PCBD2: variants seen among roughly 807,000 people sequenced by gnomAD.
PCBD2 encodes the protein pterin-4 alpha-carbinolamine dehydratase 2, also known as pterin-4-alpha-carbinolamine dehydratase 2.
PCBD2 carries 12 observed loss-of-function variants against 16.4 expected under a neutral mutation model. That is an observed-to-expected ratio of 0.73 (90% CI 0.47 to 1.19). The LOEUF is 1.19. PCBD2 is among the 50% of genes most tolerant of loss of function. The pLI is 0.00. For missense variants in PCBD2, 138 were observed against 156.8 expected (o/e 0.88, Z 0.64); for synonymous variants, 58 against 61.8 (o/e 0.94, Z 0.29).
At chr5:134,925,623 G>T (rs989582165) in intron 2 of PCBD2, 1 of 397,778 alleles carries the variant, frequency 2.5e-6, no homozygotes, top group Non-Finnish European at 4.4e-6. Flanking sequence ...TAGCGCCTAG[G>T]CATAGTGTGA....
intron 2 of PCBD2, among the ~76,000 whole-genome samples, chr5:134,937,459 G>C (rs940762741): frequency 6.6e-6 from 1 of 152,174 alleles, no homozygotes; most frequent in African/African-American, 2.4e-5. Flanking sequence ...ATTAAGAATA[G>C]GTTCTGCTGG....
rs180861252 is a variant in PCBD2, at chr5:134,919,924, G to A, written c.216+9458G>A. ...GGCCATGACACAGAACTTGCATTTA[G>A]ATGTGTCAGAATACAAATATTGGGT... On this transcript the variant is annotated intron_variant, in intron 2 of 3. Coordinates refer to ENST00000254908, the MANE Select transcript of PCBD2 (RefSeq NM_032151.5). 1.8e-3 allele frequency among the ~76,000 whole-genome samples: 268 copies of A among 152,302 alleles called. 4 individuals carry two copies. The highest frequency in any genetic ancestry group is 0.016 in the Admixed American group (248 of 15,298).
intron 2 of PCBD2, among the ~76,000 whole-genome samples, chr5:134,956,357 G>T (rs1751415168): frequency 6.6e-6 from 1 of 152,202 alleles, no homozygotes; most frequent in African/African-American, 2.4e-5. Flanking sequence ...GGCTGTGGCT[G>T]TGTTTCCTTT....
chr5:134,925,568 T>A (rs534779614), intron 2 of PCBD2: 2 of 398,096 alleles, frequency 5.0e-6, no homozygotes, highest in Non-Finnish European at 8.9e-6. Flanking sequence ...ATTTTTTTGA[T>A]GTCATTTTGT....
chr5:134,915,306 CTG>C (rs1750817936), intron 2 of PCBD2, among the ~76,000 whole-genome samples: 1 of 151,814 alleles, frequency 6.6e-6, no homozygotes, highest in African/African-American at 2.4e-5. Context: ...CAAAGCGAGA[CTG>C]TGTCTCAAAA....
At chr5:134,919,052 C>G (rs1223845398) in intron 2 of PCBD2, among the ~76,000 whole-genome samples, 1 of 152,184 alleles carries the variant, frequency 6.6e-6, no homozygotes, top group Admixed American at 6.5e-5. Context: ...ACACCATGGT[C>G]CTTACACCAC....
At chr5:134,947,104 T>C (rs1282661615) in intron 2 of PCBD2, among the ~76,000 whole-genome samples, 4 of 152,070 alleles carry the variant, frequency 2.6e-5, no homozygotes. Context: ...AATTTTTTTT[T>C]TTTTTGAGAT....
intron 2 of PCBD2, among the ~76,000 whole-genome samples, chr5:134,952,001 A>G (rs1028969760): frequency 5.9e-5 from 9 of 152,002 alleles, no homozygotes; most frequent in South Asian, 2.1e-4. Context: ...AGATTTATCT[A>G]TTTCTTAGTA....
intron 1 of PCBD2, among the ~76,000 whole-genome samples, chr5:134,907,540 C>G (rs1361101643): frequency 1.3e-5 from 2 of 151,594 alleles, no homozygotes; most frequent in Non-Finnish European, 2.9e-5. Context: ...CACGCCTGGC[C>G]AAGAATTTTA....
At chr5:134,911,060 A>G (rs1561906196) in intron 2 of PCBD2, among the ~76,000 whole-genome samples, 1 of 152,178 alleles carries the variant, frequency 6.6e-6, no homozygotes, top group Non-Finnish European at 1.5e-5. Flanking sequence ...TGTGCTGGGA[A>G]TAGAGATATG....
chr5:134,956,190 T>A (rs771505695), intron 2 of PCBD2, among the ~76,000 whole-genome samples: 3 of 152,250 alleles, frequency 2.0e-5, no homozygotes, highest in Non-Finnish European at 4.4e-5. Context: ...TATCAGGCTT[T>A]GTAGTATTTT....
At chr5:134,911,896 C>T (rs984746045) in intron 2 of PCBD2, among the ~76,000 whole-genome samples, 1 of 152,220 alleles carries the variant, frequency 6.6e-6, no homozygotes, top group African/African-American at 2.4e-5. Context: ...TACAGTAAGC[C>T]TGTGCATAAG....
chr5:134,952,050 T>C (rs2149539876), intron 2 of PCBD2, among the ~76,000 whole-genome samples: 1 of 152,230 alleles, frequency 6.6e-6, no homozygotes, highest in East Asian at 1.9e-4. Context: ...AATTTATAAA[T>C]TTCTTGTTAA....
intron 2 of PCBD2, among the ~76,000 whole-genome samples, chr5:134,911,658 T>C (rs542194093): frequency 7.2e-5 from 11 of 152,206 alleles, no homozygotes; most frequent in African/African-American, 9.6e-5. Flanking sequence ...AGGACCAGAT[T>C]TGCACCAAAG....
rs1750664783 is a variant in PCBD2, at chr5:134,905,145, GGCGGTGCTC to G, written c.8_16del (p.Ala3_Leu5del). ...CAGCCCTCGGCAGACGGCCAATGGC[GGCGGTGCTC>G]GGGGCGCTCGGGGCGACGCGGCGCT... On this transcript the variant is annotated inframe_deletion, in exon 1 of 4. Coordinates refer to ENST00000254908, the MANE Select transcript of PCBD2 (RefSeq NM_032151.5). 1 of 1,219,836 alleles carries G rather than the reference GGCGGTGCTC, an allele frequency of 8.2e-7. No homozygotes were observed. The highest frequency in any genetic ancestry group is 4.3e-5 in the Admixed American group (1 of 23,194). The allele number at this position is 1,219,836 out of a possible 1,614,324, so 75.6% of individuals were successfully genotyped here.
intron 1 of PCBD2, chr5:134,905,705 T>C (rs1750678717): frequency 6.5e-6 from 1 of 153,644 alleles, no homozygotes. Context: ...TGACTTTTCT[T>C]TCCTTTTCCA....
chr5:134,933,772 A>G (rs957554489), intron 2 of PCBD2, among the ~76,000 whole-genome samples: 1 of 152,188 alleles, frequency 6.6e-6, no homozygotes, highest in Non-Finnish European at 1.5e-5. Flanking sequence ...TGAGATCAGG[A>G]ATAGATCCAG....
chr5:134,906,493 A>T (rs1750692439), intron 1 of PCBD2, among the ~76,000 whole-genome samples: 1 of 152,082 alleles, frequency 6.6e-6, no homozygotes, highest in African/African-American at 2.4e-5. Flanking sequence ...AATTTAAAAT[A>T]GCTCGAAGAC....
rs181492394 is a variant in PCBD2, at chr5:134,961,505, C to G, written c.*824C>G. The stretch of plus-strand genomic sequence containing the variant: ...TTCATTATGTTGGCCAGGATGGTCT[C>G]GATCTACTGACCTCGTGATCCACCT... On this transcript the variant is annotated 3_prime_UTR_variant, in exon 4 of 4. Transcript: ENST00000254908. Among the ~76,000 whole-genome samples, 19 of 151,842 alleles carry G rather than the reference C, an allele frequency of 1.3e-4. No individual in the cohort carries two copies. The highest frequency in any genetic ancestry group is 2.8e-4 in the Non-Finnish European group (19 of 67,964).
Sources: gnomAD v4.1 joint callset for allele counts (sites outside exome capture counted in the v4.1 genomes callset) on GRCh38, gnomAD v4.1.1 for gene constraint, MANE v1.5 for transcripts, NCBI Gene and HGNC (gene_info 2026-07-23, HGNC 2026-07-21) for gene names.